ETFA: variants seen among roughly 807,000 people sequenced by gnomAD.
ETFA encodes the protein electron transfer flavoprotein subunit alpha, mitochondrial.
In ETFA, 22 loss-of-function variants were observed where a neutral mutation model predicts 46.2. That is an observed-to-expected ratio of 0.48 (90% CI 0.34 to 0.68). The LOEUF is 0.68. Among genes scored for constraint, ETFA ranks in the 30% least tolerant of loss-of-function variants. The pLI is 0.01. For missense variants in ETFA, 345 were observed against 401.1 expected (o/e 0.86, Z 1.19); for synonymous variants, 131 against 139.9 (o/e 0.94, Z 0.45).
chr15:76,223,923 C>T (rs1336914491), intron 11 of ETFA, among the ~76,000 whole-genome samples: 5 of 152,226 alleles, frequency 3.3e-5, no homozygotes, highest in Non-Finnish European at 5.9e-5. Context: ...AACAGTTTAT[C>T]TTTTTATCAT....
chr15:76,247,056 CAGAT>C (rs1312530460), intron 9 of ETFA, among the ~76,000 whole-genome samples: 2 of 152,134 alleles, frequency 1.3e-5, no homozygotes, highest in African/African-American at 4.8e-5. Flanking sequence ...ATCATGGTCA[CAGAT>C]AGAAGATCAA....
intron 9 of ETFA, among the ~76,000 whole-genome samples, chr15:76,256,508 C>T (rs1027847992): frequency 2.6e-5 from 4 of 152,072 alleles, no homozygotes; most frequent in African/African-American, 9.7e-5. Context: ...TTGCATTTTT[C>T]GCAGATATCT....
At chr15:76,236,166 T>A (rs1219349008) in intron 9 of ETFA, among the ~76,000 whole-genome samples, 1 of 152,224 alleles carries the variant, frequency 6.6e-6, no homozygotes, top group African/African-American at 2.4e-5. Context: ...TGAGCTCTGC[T>A]TTTCCAGAAT....
chr15:76,234,750 G>C (rs769038484), intron 9 of ETFA, among the ~76,000 whole-genome samples: 12 of 152,206 alleles, frequency 7.9e-5, no homozygotes, highest in Non-Finnish European at 1.5e-4. Context: ...GCTGTGCGGA[G>C]AAGTAAAGCC....
chr15:76,268,087 T>A (rs1164952660), intron 9 of ETFA, among the ~76,000 whole-genome samples: 1 of 151,758 alleles, frequency 6.6e-6, no homozygotes, highest in Non-Finnish European at 1.5e-5. Context: ...AGAAAAAGCC[T>A]GCTTCTCATT....
At chr15:76,306,545 T>C (rs2039942442) in intron 1 of ETFA, among the ~76,000 whole-genome samples, 1 of 151,904 alleles carries the variant, frequency 6.6e-6, no homozygotes, top group Non-Finnish European at 1.5e-5. Context: ...ATTACAGACA[T>C]GAGCCACTGC....
chr15:76,282,134 C>T (rs1374744161), intron 8 of ETFA, among the ~76,000 whole-genome samples: 2 of 152,016 alleles, frequency 1.3e-5, no homozygotes, highest in Non-Finnish European at 2.9e-5. Context: ...AAACTCCGGA[C>T]CTCAGGTGAT....
chr15:76,303,653 A>T (rs2039905242), intron 1 of ETFA, among the ~76,000 whole-genome samples: 1 of 152,240 alleles, frequency 6.6e-6, no homozygotes, highest in South Asian at 2.1e-4. Flanking sequence ...GGCAATGGAC[A>T]TCAACAGACA....
In ETFA at chr15:76,260,529, C is replaced by T. The variant is rs534736568; in HGVS notation, c.816+13883G>A. The T allele has an allele frequency of 1.3e-4, 194 of 1,472,906 alleles. No individual in the cohort carries two copies. The African/African-American group carries it at 1.8e-3, about 14-fold the overall frequency. The allele number at this position is 1,472,906 out of a possible 1,614,324, so 91.2% of individuals were successfully genotyped here. ...GCCAACTGCACTGGAGACACACACA[C>T]GTACGATCAGGCCCTTTTGGGGATC... On this transcript the variant is annotated intron_variant, in intron 9 of 11. Transcript: ENST00000557943.
chr15:76,244,882 A>T (rs979552400), intron 9 of ETFA, among the ~76,000 whole-genome samples: 3 of 152,180 alleles, frequency 2.0e-5, no homozygotes, highest in African/African-American at 7.2e-5. Context: ...TGTAAAAAGG[A>T]ATTCAACACT....
At chr15:76,246,295 G>T (rs1466108111) in intron 9 of ETFA, among the ~76,000 whole-genome samples, 1 of 152,212 alleles carries the variant, frequency 6.6e-6, no homozygotes, top group East Asian at 1.9e-4. Context: ...AAGTCACACA[G>T]CCAGCAAGTG....
At chr15:76,283,897 T>A in intron 7 of ETFA, 72 bp from the exon 8 acceptor site, 1 of 1,060,244 alleles carries the variant, frequency 9.4e-7, no homozygotes, top group Admixed American at 1.9e-5. Flanking sequence ...TGCTATTTTA[T>A]ATACTGGAGT....
At chr15:76,228,710 T>C (rs1353522997) in intron 10 of ETFA, 1 of 154,680 alleles carries the variant, frequency 6.5e-6, no homozygotes, top group Non-Finnish European at 1.4e-5. Context: ...TTACTAAGCT[T>C]TGAAATGCAT....
intron 9 of ETFA, among the ~76,000 whole-genome samples, chr15:76,243,007 G>A (rs143306969): frequency 2.6e-4 from 40 of 152,284 alleles, no homozygotes; most frequent in African/African-American, 9.1e-4. Flanking sequence ...CTTAAAAATC[G>A]TTAAAACAAC....
At chr15:76,257,023 A>G (rs2039352000) in intron 9 of ETFA, among the ~76,000 whole-genome samples, 1 of 152,248 alleles carries the variant, frequency 6.6e-6, no homozygotes, top group Non-Finnish European at 1.5e-5. Context: ...CACATTTCTC[A>G]GAATATATCC....
At chr15:76,223,239 A>G (rs1217530567) in intron 11 of ETFA, among the ~76,000 whole-genome samples, 1 of 123,722 alleles carries the variant, frequency 8.1e-6, no homozygotes, top group African/African-American at 2.9e-5. Context: ...TTTTTTTGAG[A>G]CAGAGTCTTG....
At chr15:76,237,253 A>G (rs1214840311) in intron 9 of ETFA, among the ~76,000 whole-genome samples, 1 of 152,146 alleles carries the variant, frequency 6.6e-6, no homozygotes, top group Non-Finnish European at 1.5e-5. Flanking sequence ...GGGTTTTGCC[A>G]TGTTGGCCAG....
chr15:76,226,067 G>A, intron 10 of ETFA, 138 bp from the exon 11 acceptor site: 1 of 626,742 alleles, frequency 1.6e-6, no homozygotes, highest in Non-Finnish European at 2.8e-6. Flanking sequence ...TGTCAACACT[G>A]TAAATTTATT....
intron 10 of ETFA, chr15:76,231,131 C>T: frequency 1.8e-6 from 1 of 548,888 alleles, no homozygotes. Context: ...CAGGTTCAGG[C>T]CTCTTTCCAT....
Sources: gnomAD v4.1 joint callset for allele counts (sites outside exome capture counted in the v4.1 genomes callset) on GRCh38, gnomAD v4.1.1 for gene constraint, MANE v1.5 for transcripts, NCBI Gene and HGNC (gene_info 2026-07-23, HGNC 2026-07-21) for gene names.